The following COL5A1 variants were observed in gnomAD, a reference collection of about 807,000 sequenced individuals.
COL5A1 encodes the protein collagen type V alpha 1 chain, also known as collagen alpha-1(V) chain.
A neutral mutation model predicts 263.7 loss-of-function variants in COL5A1; 16 were observed. That is an observed-to-expected ratio of 0.06 (90% CI 0.04 to 0.09). COL5A1 has a LOEUF of 0.09. Among genes scored for constraint, COL5A1 ranks in the 10% least tolerant of loss-of-function variants. The probability of loss-of-function intolerance (pLI) is 1.00; values close to 1 mark genes in which losing one functional copy is unlikely to be tolerated. For synonymous variants in COL5A1, 1,012 were observed against 1,004.5 expected, an observed-to-expected ratio of 1.01 and a Z score of -0.14; for missense variants, 2,036 against 2,540.5, an observed-to-expected ratio of 0.80 and a Z score of 4.27.
intron 1 of COL5A1, among the ~76,000 whole-genome samples, chr9:134,649,044 T>A (rs944305393): frequency 6.8e-6 from 1 of 146,666 alleles, no homozygotes; most frequent in Admixed American, 6.7e-5. Context: ...TGGTGGCTGA[T>A]CACTGAAAGG....
In COL5A1 at chr9:134,729,292, G is replaced by A. The variant is rs138276902; in HGVS notation, c.924+485G>A. 3.4e-4 allele frequency among the ~76,000 whole-genome samples: 52 copies of A among 152,304 alleles called. 1 individual carries two copies. The East Asian group carries it at 6.4e-3, about 19-fold the overall frequency. ...GGGAGGGTTGTGAGGGTGCGTGAGC[G>A]GCAGTGAGAGCCGGAGGGTCACACC... On this transcript the variant is annotated intron_variant, in intron 6 of 65. Coordinates refer to ENST00000371817, the MANE Select transcript of COL5A1 (RefSeq NM_000093.5).
At chr9:134,760,442 CAT>C (rs1277652653) in intron 18 of COL5A1, among the ~76,000 whole-genome samples, 8 of 97,136 alleles carry the variant, frequency 8.2e-5, no homozygotes, top group African/African-American at 1.1e-4. Flanking sequence ...CATGCACACA[CAT>C]GCATACACAC....
At chr9:134,836,512 A>G (rs1437908308) in intron 65 of COL5A1, among the ~76,000 whole-genome samples, 1 of 152,178 alleles carries the variant, frequency 6.6e-6, no homozygotes, top group Non-Finnish European at 1.5e-5. Flanking sequence ...CCTGAGGGGA[A>G]CGGGGCCGGC....
In COL5A1 at chr9:134,755,208, G is replaced by T. The variant is rs1835925153; in HGVS notation, c.1827+882G>T. On this transcript the variant is annotated intron_variant, in intron 16 of 65. Transcript: ENST00000371817. The surrounding 1 kb of genome is among the most constrained non-coding windows in gnomAD (Gnocchi z 4.1). The stretch of plus-strand genomic sequence containing the variant: ...AATTCCAGGAGGATTAGCAGCTCTG[G>T]AATCGACTCTTGGTAGACAATTGGG... Among the ~76,000 whole-genome samples the T allele has an allele frequency of 2.0e-5, 3 of 152,140 alleles. No homozygotes were observed.
chr9:134,843,860 T>A lies in COL5A1; in HGVS notation c.*1557T>A, dbSNP rs1453942821. The A allele has an allele frequency of 6.6e-6, 1 of 152,610 alleles. No individual in the cohort carries two copies. Among genetic ancestry groups the A allele is most frequent in the East Asian group, 1.9e-4 (1 of 5,194 alleles). 9.5% of individuals were successfully genotyped at this position (152,610 alleles called of 1,614,324 possible). A position where few individuals can be genotyped will look rare whatever the true frequency, so the allele number is the denominator to read the frequency against. ...TCCAAGTAGCCTATTTGGATTCCCATCTCAAATGTCCTGGATGCGAGCGTC... is the reference window on the plus strand; with the variant it reads ...TCCAAGTAGCCTATTTGGATTCCCAACTCAAATGTCCTGGATGCGAGCGTC... On this transcript the variant is annotated 3_prime_UTR_variant, in exon 66 of 66. Coordinates refer to ENST00000371817, the MANE Select transcript of COL5A1 (RefSeq NM_000093.5).
chr9:134,752,050 C>T (rs1835799431), intron 13 of COL5A1, among the ~76,000 whole-genome samples: 1 of 152,220 alleles, frequency 6.6e-6, no homozygotes, highest in Non-Finnish European at 1.5e-5. Flanking sequence ...AGAAGCGGCT[C>T]TGTGGGAAAG....
At chr9:134,760,588 A>ACT in intron 18 of COL5A1, among the ~76,000 whole-genome samples, 1 of 97,812 alleles carries the variant, frequency 1.0e-5, no homozygotes, top group Admixed American at 1.2e-4. Flanking sequence ...ACACTCAGAC[A>ACT]CATGCACACA....
At chr9:134,780,889 C>T (rs1179013172) in intron 28 of COL5A1, among the ~76,000 whole-genome samples, 3 of 152,266 alleles carry the variant, frequency 2.0e-5, no homozygotes, top group Non-Finnish European at 2.9e-5. Flanking sequence ...CCCTCCCCAC[C>T]GTGGCCTCAC....
At chr9:134,660,808 AT>A (rs1832178783) in intron 1 of COL5A1, among the ~76,000 whole-genome samples, 1 of 152,132 alleles carries the variant, frequency 6.6e-6, no homozygotes, top group Non-Finnish European at 1.5e-5. Flanking sequence ...TTAGATCTCT[AT>A]AGAAACAGGC....
chr9:134,802,953 T>C lies in COL5A1; in HGVS notation c.3072T>C (p.Gly1024=), dbSNP rs573725823. 5 of 1,610,796 alleles carry C rather than the reference T, an allele frequency of 3.1e-6. No individual in the cohort carries two copies. In the African/African-American group the frequency reaches 5.3e-5, roughly 17 times the overall value. Residue 1024 remains glycine, a synonymous_variant, in exon 39 of 66, where the codon GGT becomes GGC. Transcript: ENST00000371817. ...RGHPGPPGPP[G]EQGLPGLAGK... ...ACCCTGGGCCCCCTGGACCCCCCGG[T>C]GAACAGGGGCTTCCGGGCCTTGCTG...
chr9:134,772,905 C>A, intron 26 of COL5A1, 71 bp downstream of exon 26: 1 of 1,472,546 alleles, frequency 6.8e-7, no homozygotes, highest in Non-Finnish European at 9.5e-7. Flanking sequence ...TGGGCTCAGC[C>A]TCTGCTCAGG....
chr9:134,687,313 T>C (rs1016162450), intron 1 of COL5A1, among the ~76,000 whole-genome samples: 1 of 152,108 alleles, frequency 6.6e-6, no homozygotes, highest in Non-Finnish European at 1.5e-5. Context: ...GGAAGTGTAG[T>C]TTTTAGCTCC....
Position 134,796,387 on chromosome 9 carries a change from G to T in COL5A1, c.2813G>T (p.Gly938Val). Residue 938 changes from glycine to valine, a missense_variant, in exon 35 of 66, where the codon GGT (glycine) becomes GTT (valine). Physicochemically the swap from Gly to Val is moderately radical, Grantham distance 109. This residue lies in a region of COL5A1 where 1,078 missense variants were observed against 1,521.4 expected (regional missense o/e 0.71). Transcript: ENST00000371817. The stretch of plus-strand genomic sequence containing the variant: ...TTCCCTCTCAAGGGCAACTCCGGAG[G>T]TGACGGCCCAGCTGGCCCTCCTGGT... The part of the protein sequence containing the change: ...GKPGPKGNSG[G>V]DGPAGPPGER... 1.9e-6 allele frequency: 3 copies of T among 1,614,126 alleles called. No individual in the cohort carries two copies. Among genetic ancestry groups the T allele is most frequent in the Non-Finnish European group, 1.7e-6 (2 of 1,180,010 alleles).
intron 4 of COL5A1, among the ~76,000 whole-genome samples, chr9:134,703,915 A>G (rs908378480): frequency 6.6e-6 from 1 of 152,090 alleles, no homozygotes; most frequent in Admixed American, 6.5e-5. Context: ...CTGGGATTGC[A>G]GGCGTGAGCC....
chr9:134,732,064 C>T lies in COL5A1; in HGVS notation c.1333-7C>T, dbSNP rs767294965. On this transcript the variant is annotated splice_polypyrimidine_tract_variant and splice_region_variant and intron_variant, in intron 8 of 65. Coordinates refer to ENST00000371817, the MANE Select transcript of COL5A1 (RefSeq NM_000093.5). ...TTCTCTTTCCATCTGCCTTTTATCACCCCCAGATTGGAGGACCTCGGGGCG... is the reference window on the plus strand; with the variant it reads ...TTCTCTTTCCATCTGCCTTTTATCATCCCCAGATTGGAGGACCTCGGGGCG... 1.2e-6 allele frequency: 2 copies of T among 1,613,680 alleles called. No homozygotes were observed. The highest frequency in any genetic ancestry group is 1.3e-5 in the African/African-American group (1 of 74,918).
chr9:134,676,974 T>A (rs1205161625), intron 1 of COL5A1, among the ~76,000 whole-genome samples: 1 of 152,228 alleles, frequency 6.6e-6, no homozygotes, highest in Non-Finnish European at 1.5e-5. Context: ...GTCCCTTCCC[T>A]AAAGGAGCTC....
chr9:134,779,494 G>A (rs1253275998), intron 27 of COL5A1, among the ~76,000 whole-genome samples: 2 of 152,340 alleles, frequency 1.3e-5, no homozygotes, highest in East Asian at 3.9e-4. Flanking sequence ...TTAACACGGA[G>A]TTGAAATACA....
In COL5A1 at chr9:134,680,263, A is replaced by G. The variant is rs1832814863; in HGVS notation, c.110-10649A>G. On this transcript the variant is annotated intron_variant, in intron 1 of 65. Coordinates refer to ENST00000371817, the MANE Select transcript of COL5A1 (RefSeq NM_000093.5). This position sits in a 1 kb window ranked among gnomAD's most constrained non-coding sequence, Gnocchi z 5.9. ...TAACATAGAGCCTCCAGGCCCGGCT[A>G]CAGGCCATTTTCTCACCCTGTGAAA... Among the ~76,000 whole-genome samples, 1 of 152,150 alleles carries G rather than the reference A, an allele frequency of 6.6e-6. No homozygotes were observed. Among genetic ancestry groups the G allele is most frequent in the Non-Finnish European group, 1.5e-5 (1 of 68,018 alleles).
At chr9:134,646,193 G>A (rs1831469512) in intron 1 of COL5A1, among the ~76,000 whole-genome samples, 1 of 152,138 alleles carries the variant, frequency 6.6e-6, no homozygotes, top group Non-Finnish European at 1.5e-5. Context: ...AAATGGGATG[G>A]GACCCCTCGT....
Sources: allele counts gnomAD v4.1 joint callset (sites outside exome capture counted in the v4.1 genomes callset), GRCh38; gene constraint gnomAD v4.1.1; regional missense constraint gnomAD v4.1.1; non-coding constraint Gnocchi (gnomAD v3.1); transcripts MANE v1.5; gene names NCBI Gene and HGNC (gene_info 2026-07-23, HGNC 2026-07-21).